Variants in ERC2 observed in about 807,000 individuals in gnomAD.
ERC2 encodes the protein ELKS/RAB6-interacting/CAST family member 2, also known as ERC protein 2.
ERC2 carries 42 observed loss-of-function variants against 114.8 expected under a neutral mutation model. The ratio of observed to expected loss-of-function variants is 0.37; its 90% CI spans 0.29 to 0.47. The LOEUF (loss-of-function observed/expected upper bound fraction) is 0.47, where lower values mean the gene tolerates loss of function less well. Among genes scored for constraint, ERC2 ranks in the 20% least tolerant of loss-of-function variants. The pLI is 0.99. For missense variants in ERC2, 939 were observed against 1,150.7 expected (o/e 0.82, Z 2.66); for synonymous variants, 454 against 425.5 (o/e 1.07, Z -0.82).
intron 3 of ERC2, among the ~76,000 whole-genome samples, chr3:56,284,081 C>T (rs2150328643): frequency 6.6e-6 from 1 of 152,284 alleles, no homozygotes; most frequent in Middle Eastern, 3.4e-3. Flanking sequence ...AAAATTCATT[C>T]TACAATCAGG....
At chr3:56,014,576 C>A (rs1227975595) in intron 8 of ERC2, among the ~76,000 whole-genome samples, 1 of 152,030 alleles carries the variant, frequency 6.6e-6, no homozygotes, top group Non-Finnish European at 1.5e-5. Context: ...ACCTCAGATT[C>A]CTTCCCAGAC....
intron 1 of ERC2, among the ~76,000 whole-genome samples, chr3:56,456,382 T>A (rs1288586063): frequency 6.6e-6 from 1 of 152,244 alleles, no homozygotes; most frequent in Non-Finnish European, 1.5e-5. Context: ...TGTCTCTTGC[T>A]TTTGTAGAAA....
At chr3:56,456,694 C>T (rs2063076397) in intron 1 of ERC2, among the ~76,000 whole-genome samples, 2 of 152,180 alleles carry the variant, frequency 1.3e-5, no homozygotes, top group African/African-American at 4.8e-5. Context: ...ACATTATGAG[C>T]TAAATAGTTC....
At chr3:56,390,539 A>C (rs1354309092) in intron 2 of ERC2, among the ~76,000 whole-genome samples, 1 of 152,190 alleles carries the variant, frequency 6.6e-6, no homozygotes, top group East Asian at 1.9e-4. Context: ...AACTAGGTTT[A>C]GAGGGGAAGT....
rs541392236 is a variant in ERC2, at chr3:56,429,033, C to T, written c.657+5318G>A. ...TGGAAGAAATCCGTTAGAAATACAACGTTAACAATTGCACAAAATACCGAG... is the reference window on the plus strand; with the variant it reads ...TGGAAGAAATCCGTTAGAAATACAATGTTAACAATTGCACAAAATACCGAG... On this transcript the variant is annotated intron_variant, in intron 2 of 17. Transcript: ENST00000288221. Among the ~76,000 whole-genome samples, 13 of 152,242 alleles carry T rather than the reference C, an allele frequency of 8.5e-5. No homozygotes were observed. In the East Asian group the frequency reaches 1.7e-3, roughly 20 times the overall value.
chr3:56,387,488 C>G (rs898431168), intron 2 of ERC2, among the ~76,000 whole-genome samples: 1 of 152,154 alleles, frequency 6.6e-6, no homozygotes, highest in Non-Finnish European at 1.5e-5. Context: ...TTTGTTCTCT[C>G]TTGTTTATTT....
At chr3:55,545,960 G>A (rs139677507) in intron 17 of ERC2, among the ~76,000 whole-genome samples, 49 of 152,298 alleles carry the variant, frequency 3.2e-4, no homozygotes, top group Admixed American at 5.9e-4. Flanking sequence ...GTCCCTGAGC[G>A]CATACAGGGT....
chr3:56,012,108 T>A (rs2072987024), intron 8 of ERC2, among the ~76,000 whole-genome samples: 1 of 152,198 alleles, frequency 6.6e-6, no homozygotes, highest in Non-Finnish European at 1.5e-5. Flanking sequence ...TTTACCTACC[T>A]GTGACAATGG....
chr3:55,806,692 A>G (rs1219225690), intron 14 of ERC2, among the ~76,000 whole-genome samples: 1 of 152,154 alleles, frequency 6.6e-6, no homozygotes, highest in Non-Finnish European at 1.5e-5. Context: ...CCCTACAACA[A>G]AGAATTGTCC....
intron 14 of ERC2, among the ~76,000 whole-genome samples, chr3:55,760,918 G>C (rs2067386436): frequency 6.6e-6 from 1 of 152,150 alleles, no homozygotes; most frequent in South Asian, 2.1e-4. Context: ...TAAACCTGTG[G>C]AAAAAGAAAA....
intron 2 of ERC2, among the ~76,000 whole-genome samples, chr3:56,406,039 C>T (rs893042817): frequency 5.9e-5 from 9 of 151,758 alleles, no homozygotes; most frequent in African/African-American, 7.3e-5. Context: ...ACTACAAGCG[C>T]GTGCCACCAT....
At chr3:56,267,498 G>T (rs1018375534) in intron 3 of ERC2, among the ~76,000 whole-genome samples, 9 of 152,096 alleles carry the variant, frequency 5.9e-5, no homozygotes, top group Admixed American at 5.9e-4. Context: ...TTGGCAGGGC[G>T]CAGTGGCTCA....
chr3:55,648,808 G>A (rs963453141), intron 17 of ERC2, among the ~76,000 whole-genome samples: 4 of 152,044 alleles, frequency 2.6e-5, no homozygotes, highest in African/African-American at 9.7e-5. Flanking sequence ...ACAAAGCTCT[G>A]AGCCGACCCC....
chr3:55,552,054 T>A (rs1011296279), intron 17 of ERC2, among the ~76,000 whole-genome samples: 3 of 152,190 alleles, frequency 2.0e-5, no homozygotes, highest in Non-Finnish European at 4.4e-5. Flanking sequence ...CTGCAAGGCA[T>A]GCCCATAGAA....
intron 14 of ERC2, among the ~76,000 whole-genome samples, chr3:55,819,499 T>C (rs1345711143): frequency 6.6e-6 from 1 of 152,242 alleles, no homozygotes; most frequent in Admixed American, 6.5e-5. Flanking sequence ...TTTCCTGACC[T>C]TTGACTGCTT....
chr3:55,726,894 A>G (rs1211419518), intron 15 of ERC2, among the ~76,000 whole-genome samples: 1 of 152,226 alleles, frequency 6.6e-6, no homozygotes, highest in African/African-American at 2.4e-5. Context: ...AAAACCAAGT[A>G]CAATTTATCT....
At chr3:56,138,790 TA>T (rs1264258632) in intron 6 of ERC2, among the ~76,000 whole-genome samples, 1 of 152,196 alleles carries the variant, frequency 6.6e-6, no homozygotes, top group African/African-American at 2.4e-5. Context: ...ATTTACACAA[TA>T]ACTAGCTTGT....
chr3:55,945,476 ATACACG>A, intron 13 of ERC2, among the ~76,000 whole-genome samples: 1 of 152,356 alleles, frequency 6.6e-6, no homozygotes, highest in South Asian at 2.1e-4. Flanking sequence ...TGCTTAAGAT[ATACACG>A]TCCTTCTGCA....
chr3:55,630,901 G>A (rs536407449), intron 17 of ERC2, among the ~76,000 whole-genome samples: 14 of 151,976 alleles, frequency 9.2e-5, no homozygotes, highest in African/African-American at 3.4e-4. Context: ...AGAGTGGGAA[G>A]TCACGTAACA....
Sources: allele counts gnomAD v4.1 joint callset (sites outside exome capture counted in the v4.1 genomes callset), GRCh38; gene constraint gnomAD v4.1.1; transcripts MANE v1.5; gene names NCBI Gene and HGNC (gene_info 2026-07-23, HGNC 2026-07-21).